Variants in ULK2 observed in about 807,000 individuals in gnomAD.
The protein encoded by ULK2 is serine/threonine-protein kinase ULK2.
In ULK2, 76 loss-of-function variants were observed where a neutral mutation model predicts 127.5. That is an observed-to-expected ratio of 0.60 (90% CI 0.50 to 0.72). The LOEUF (loss-of-function observed/expected upper bound fraction) is 0.72. Ranked by LOEUF, ULK2 falls within the 30% of genes least tolerant of loss-of-function variation. The pLI is 0.00. For synonymous variants in ULK2, 452 were observed against 461.9 expected (o/e 0.98, Z 0.28); for missense variants, 1,144 against 1,295.9 (o/e 0.88, Z 1.80).
In ULK2 at chr17:19,776,350, C is replaced by A; in HGVS notation, c.3110G>T (p.Ter1037LeuextTer13). ...SALCHSTATV[*>L] Reference sequence around the variant, plus strand: ...CGGTCCACGGGATGAGCCTGCTGCTCACACGGTTGCGGTGCTATGGCAGAG... The same window carrying A: ...CGGTCCACGGGATGAGCCTGCTGCTAACACGGTTGCGGTGCTATGGCAGAG... Residue 1037 changes from the stop codon to leucine, a stop_lost, in exon 27 of 27, where the codon TGA (stop) becomes TTA (leucine). Coordinates refer to ENST00000395544, the MANE Select transcript of ULK2 (RefSeq NM_014683.4). The A allele has an allele frequency of 6.2e-7, 1 of 1,604,290 alleles. No homozygotes were observed. Among genetic ancestry groups the A allele is most frequent in the East Asian group, 2.2e-5 (1 of 44,478 alleles).
At chr17:19,828,516 A>G (rs1294421669) in intron 10 of ULK2, among the ~76,000 whole-genome samples, 5 of 152,264 alleles carry the variant, frequency 3.3e-5, no homozygotes, top group Non-Finnish European at 7.3e-5. Context: ...GTGTGCAACT[A>G]AAGTTAATAT....
At chr17:19,804,116 C>T (rs974756465) in intron 15 of ULK2, among the ~76,000 whole-genome samples, 1 of 152,044 alleles carries the variant, frequency 6.6e-6, no homozygotes, top group Non-Finnish European at 1.5e-5. Flanking sequence ...GGCGTGGTGG[C>T]TCATGCCTGT....
intron 21 of ULK2, among the ~76,000 whole-genome samples, chr17:19,784,817 T>C (rs907170367): frequency 7.2e-5 from 11 of 152,034 alleles, no homozygotes; most frequent in African/African-American, 2.2e-4. Flanking sequence ...TGAACCACCA[T>C]GCCCAGTCTT....
intron 25 of ULK2, 26 bp downstream of exon 25, chr17:19,780,446 C>T (rs1197048907): frequency 6.3e-7 from 1 of 1,583,608 alleles, no homozygotes; most frequent in Non-Finnish European, 8.6e-7. Context: ...TAGTACTATA[C>T]AATATTAAAC....
chr17:19,823,648 C>T (rs1365163548), intron 12 of ULK2, among the ~76,000 whole-genome samples: 1 of 152,200 alleles, frequency 6.6e-6, no homozygotes, highest in Non-Finnish European at 1.5e-5. Flanking sequence ...ACCCTGCAAG[C>T]AAAGGTTAAA....
chr17:19,798,175 G>A (rs181676768), intron 17 of ULK2, among the ~76,000 whole-genome samples: 51 of 152,108 alleles, frequency 3.4e-4, no homozygotes, highest in African/African-American at 1.2e-3. Context: ...TATATATAAC[G>A]TGTAGGAAAG....
intron 15 of ULK2, among the ~76,000 whole-genome samples, chr17:19,804,437 T>C (rs2087468436): frequency 6.6e-6 from 1 of 151,844 alleles, no homozygotes; most frequent in Non-Finnish European, 1.5e-5. Context: ...ATTTTAAGTA[T>C]ATATGTCTAT....
chr17:19,815,572 C>T (rs897232313), intron 13 of ULK2, among the ~76,000 whole-genome samples: 1 of 152,172 alleles, frequency 6.6e-6, no homozygotes, highest in Non-Finnish European at 1.5e-5. Flanking sequence ...TAAGCCACTG[C>T]GCCCAGCAAC....
chr17:19,813,852 AAAG>A (rs369547586), intron 13 of ULK2, among the ~76,000 whole-genome samples: 10 of 152,350 alleles, frequency 6.6e-5, no homozygotes, highest in African/African-American at 2.4e-4. Context: ...TTAATATTGT[AAAG>A]AACCTGCCTG....
intron 21 of ULK2, 56 bp from the exon 22 acceptor site, chr17:19,783,961 C>T: frequency 7.6e-7 from 1 of 1,316,942 alleles, no homozygotes; most frequent in Non-Finnish European, 9.8e-7. Flanking sequence ...TTCACACCCA[C>T]TCCTACTCTT....
chr17:19,789,135 C>T (rs1715149842), intron 20 of ULK2, among the ~76,000 whole-genome samples: 1 of 152,180 alleles, frequency 6.6e-6, no homozygotes, highest in African/African-American at 2.4e-5. Context: ...TTGGGCAAGA[C>T]CCAGGGCTGT....
At chr17:19,857,123 C>T (rs539411524) in intron 3 of ULK2, among the ~76,000 whole-genome samples, 409 of 151,218 alleles carry the variant, frequency 2.7e-3, no homozygotes, top group Non-Finnish European at 5.1e-3. Context: ...CTGGCCAATA[C>T]GGCAAAACCT....
chr17:19,843,669 T>G (rs2041817577), intron 7 of ULK2, among the ~76,000 whole-genome samples: 1 of 151,188 alleles, frequency 6.6e-6, no homozygotes, highest in Non-Finnish European at 1.5e-5. Flanking sequence ...TCTTTTTTTT[T>G]TTTTTTTGAG....
intron 8 of ULK2, among the ~76,000 whole-genome samples, chr17:19,841,990 G>C (rs922188078): frequency 6.6e-6 from 1 of 151,764 alleles, no homozygotes; most frequent in Admixed American, 6.6e-5. Context: ...ATTATTGTTG[G>C]GTAAAATTCA....
chr17:19,804,079 A>G (rs894445066), intron 15 of ULK2, among the ~76,000 whole-genome samples: 7 of 152,086 alleles, frequency 4.6e-5, no homozygotes, highest in African/African-American at 1.7e-4. Context: ...CTCACTGAAT[A>G]GAGTAAGAAT....
intron 13 of ULK2, among the ~76,000 whole-genome samples, chr17:19,810,686 T>TA (rs1361163261): frequency 2.0e-5 from 3 of 152,340 alleles, no homozygotes; most frequent in Non-Finnish European, 2.9e-5. Flanking sequence ...TAAAATGCCA[T>TA]ATTTATTGCA....
At chr17:19,813,960 TG>T (rs1002513426) in intron 13 of ULK2, among the ~76,000 whole-genome samples, 1 of 152,074 alleles carries the variant, frequency 6.6e-6, no homozygotes, top group African/African-American at 2.4e-5. Flanking sequence ...AAACTATATG[TG>T]GGGGGAAAGG....
intron 15 of ULK2, among the ~76,000 whole-genome samples, 153 bp downstream of exon 15, chr17:19,804,540 C>T (rs531854973): frequency 3.3e-5 from 5 of 152,192 alleles, no homozygotes; most frequent in African/African-American, 1.2e-4. Flanking sequence ...TTAAATTCAT[C>T]AATTATAAAA....
Position 19,781,961 on chromosome 17 carries a change from G to A in ULK2, c.2567C>T (p.Ser856Phe). Residue 856 changes from serine to phenylalanine, a missense_variant, in exon 23 of 27, where the codon TCT becomes TTT. Ser to Phe is a radical substitution (Grantham distance 155). Transcript: ENST00000395544. The stretch of plus-strand genomic sequence containing the variant: ...CTGGATCTGGTACAAGGACACAGCA[G>A]ATGTGCACAGCTCAGGGTTTCCTCC... ...MRGGNPELCT[S>F]AVSLYQIQES... 1 of 1,614,220 alleles carries A rather than the reference G, an allele frequency of 6.2e-7. No individual in the cohort carries two copies. Among genetic ancestry groups the A allele is most frequent in the Non-Finnish European group, 8.5e-7 (1 of 1,180,030 alleles).
Sources: allele counts gnomAD v4.1 joint callset (sites outside exome capture counted in the v4.1 genomes callset), GRCh38; gene constraint gnomAD v4.1.1; transcripts MANE v1.5; gene names NCBI Gene and HGNC (gene_info 2026-07-23, HGNC 2026-07-21).